Variants in KLHL20 observed in about 807,000 individuals in gnomAD.
KLHL20 encodes the protein kelch like family member 20, also known as kelch-like protein 20.
In KLHL20, 29 loss-of-function variants were observed where a neutral mutation model predicts 69.5. That is an observed-to-expected ratio of 0.42 (90% CI 0.31 to 0.57). The LOEUF is 0.57. Ranked by LOEUF, KLHL20 falls within the 20% of genes least tolerant of loss-of-function variation. The pLI, the probability that KLHL20 is intolerant of heterozygous loss-of-function variation, is 0.18. For missense variants in KLHL20, 419 were observed against 776.0 expected (o/e 0.54, Z 5.47); for synonymous variants, 253 against 265.2 (o/e 0.95, Z 0.45).
chr1:173,718,917 A>C (rs1404182685), intron 2 of KLHL20, among the ~76,000 whole-genome samples: 3 of 151,804 alleles, frequency 2.0e-5, no homozygotes, highest in African/African-American at 7.3e-5. Flanking sequence ...ATCTTGGCTA[A>C]CACGGTGAAA....
intron 2 of KLHL20, among the ~76,000 whole-genome samples, chr1:173,727,357 C>A (rs1302774586): frequency 6.6e-6 from 1 of 152,158 alleles, no homozygotes; most frequent in Non-Finnish European, 1.5e-5. Context: ...CTTCCCCAAT[C>A]GAGCAAGGCA....
Position 173,729,977 on chromosome 1 carries a change from C to T in KLHL20, c.24-3736C>T, listed in dbSNP as rs1334810243. Among the ~76,000 whole-genome samples, 6 of 152,086 alleles carry T rather than the reference C, an allele frequency of 3.9e-5. No individual in the cohort carries two copies. In the East Asian group the frequency reaches 9.6e-4, roughly 24 times the overall value. ...TTGTATGTCTAGAAAACCCCATCAT[C>T]TCAGCCCCAAATCTCCTTAAGCTGA... On this transcript the variant is annotated intron_variant, in intron 2 of 11. Coordinates refer to ENST00000209884, the MANE Select transcript of KLHL20 (RefSeq NM_014458.4).
Position 173,734,157 on chromosome 1 carries a change from C to G in KLHL20, c.468C>G (p.Ala156=), listed in dbSNP as rs758669706. 5.6e-6 allele frequency: 9 copies of G among 1,614,204 alleles called. No homozygotes were observed. The highest frequency in any genetic ancestry group is 1.7e-5 in the Admixed American group (1 of 60,022). Residue 156 remains alanine (A), a synonymous_variant, in exon 3 of 12, where the codon GCC becomes GCG. Transcript: ENST00000209884. ...CLLQLAEIQE[A]CCEFLKRQLD... is the part of the protein sequence containing the mutation. ...TCCAGCTGGCAGAAATACAGGAAGC[C>G]TGCTGTGAATTCTTAAAGAGACAAT... is the stretch of plus-strand genomic sequence containing the variant.
At chr1:173,768,245 T>C (rs968763023) in intron 8 of KLHL20, among the ~76,000 whole-genome samples, 7 of 152,318 alleles carry the variant, frequency 4.6e-5, no homozygotes, top group East Asian at 1.9e-4. Flanking sequence ...TTTATACTGG[T>C]GTACAAATAG....
At chr1:173,722,040 AAAG>A (rs1399650055) in intron 2 of KLHL20, among the ~76,000 whole-genome samples, 1 of 152,182 alleles carries the variant, frequency 6.6e-6, no homozygotes, top group East Asian at 1.9e-4. Context: ...TTTATAAAGA[AAAG>A]AAGTTTATCT....
At chr1:173,759,231 C>T (rs971309765) in intron 7 of KLHL20, among the ~76,000 whole-genome samples, 3 of 152,232 alleles carry the variant, frequency 2.0e-5, no homozygotes, top group East Asian at 3.9e-4. Context: ...CAACAAGACC[C>T]GCCCAAGGAG....
intron 2 of KLHL20, among the ~76,000 whole-genome samples, chr1:173,721,452 T>G (rs981193529): frequency 6.6e-6 from 1 of 152,232 alleles, no homozygotes; most frequent in Non-Finnish European, 1.5e-5. Context: ...AGTTCTTAGT[T>G]GTCTCTGCAT....
intron 3 of KLHL20, among the ~76,000 whole-genome samples, chr1:173,749,430 C>T (rs532071950): frequency 8.4e-4 from 128 of 152,218 alleles, no homozygotes; most frequent in African/African-American, 2.9e-3. Flanking sequence ...CCTCTAAACT[C>T]TTATTTAAGA....
chr1:173,743,542 A>ATTTT (rs879293829), intron 3 of KLHL20, among the ~76,000 whole-genome samples: 20 of 151,764 alleles, frequency 1.3e-4, no homozygotes, highest in Non-Finnish European at 2.4e-4. Flanking sequence ...TGATTTTAAA[A>ATTTT]AAAAAAAAAC....
At chr1:173,751,692 C>A (rs895161880) in intron 3 of KLHL20, 72 bp from the exon 4 acceptor site, 3 of 1,465,880 alleles carry the variant, frequency 2.0e-6, no homozygotes, top group South Asian at 1.2e-5. Context: ...TGTCCCATAA[C>A]CCTGAAGAAA....
chr1:173,754,633 A>G (rs1243047826), intron 5 of KLHL20, among the ~76,000 whole-genome samples: 1 of 152,070 alleles, frequency 6.6e-6, no homozygotes, highest in East Asian at 1.9e-4. Flanking sequence ...AATTCTCCTA[A>G]ATATTTGCAG....
At position 173,729,234 on chromosome 1, in the gene KLHL20, G is replaced by C. The variant is rs1240308188; in HGVS notation, c.24-4479G>C. On this transcript the variant is annotated intron_variant, in intron 2 of 11. Transcript: ENST00000209884. Reference sequence around the variant, plus strand: ...TCTGAAATTGAGGCAATAATTAATAGCTTACCAACCAAAAAAAGTCCAGGA... The same window carrying C: ...TCTGAAATTGAGGCAATAATTAATACCTTACCAACCAAAAAAAGTCCAGGA... 5.3e-5 allele frequency among the ~76,000 whole-genome samples: 8 copies of C among 152,212 alleles called. No individual in the cohort carries two copies. The East Asian group carries it at 1.2e-3, about 22-fold the overall frequency.
rs188986632 is a variant in KLHL20, at chr1:173,774,326, G to A, written c.1317G>A (p.Lys439=). 16 of 1,614,160 alleles carry A rather than the reference G, an allele frequency of 9.9e-6. No individual in the cohort carries two copies. The African/African-American group carries it at 1.9e-4, about 19-fold the overall frequency. Residue 439 remains lysine (K), a synonymous_variant, in exon 9 of 12, where the codon AAG becomes AAA. Coordinates refer to ENST00000209884, the MANE Select transcript of KLHL20 (RefSeq NM_014458.4). ...GCAGGTATGATCCGAAGGAGAACAA[G>A]TGGACTCGGGTAGCTTCTATGAGTA... The part of the protein sequence containing the change: ...IVERYDPKEN[K]WTRVASMSTR...
intron 8 of KLHL20, among the ~76,000 whole-genome samples, chr1:173,771,656 G>A (rs900869151): frequency 1.2e-4 from 19 of 152,044 alleles, no homozygotes; most frequent in African/African-American, 3.6e-4. Context: ...TATTCTCAGC[G>A]ACTCAGAAGG....
intron 3 of KLHL20, among the ~76,000 whole-genome samples, chr1:173,737,949 C>CTTTTTTTTTTTTTTT (rs79506793): frequency 2.2e-5 from 3 of 138,168 alleles, no homozygotes; most frequent in African/African-American, 2.7e-5. Context: ...AGTATTTTAT[C>CTTTTTTTTTTTTTTT]TTTTTTTTTT....
At chr1:173,734,778 CTAT>C (rs1672447541) in intron 3 of KLHL20, among the ~76,000 whole-genome samples, 1 of 152,134 alleles carries the variant, frequency 6.6e-6, no homozygotes, top group Non-Finnish European at 1.5e-5. Flanking sequence ...TGTAAAGCTA[CTAT>C]GTTTCAGCCA....
chr1:173,730,966 A>G lies in KLHL20; in HGVS notation c.24-2747A>G, dbSNP rs6660661. Among the ~76,000 whole-genome samples the G allele has an allele frequency of 4.1e-3, 628 of 152,232 alleles. 9 individuals carry two copies. The highest frequency in any genetic ancestry group is 0.021 in the South Asian group (102 of 4,832). ...GAATGGGAGAAAATTTTTGCAATCT[A>G]CTCATCTGACAAAGGGCTAATATCC... is the stretch of plus-strand genomic sequence containing the variant. On this transcript the variant is annotated intron_variant, in intron 2 of 11. Coordinates refer to ENST00000209884, the MANE Select transcript of KLHL20 (RefSeq NM_014458.4).
intron 8 of KLHL20, among the ~76,000 whole-genome samples, chr1:173,766,647 G>GGA (rs1647733326): frequency 8.1e-6 from 1 of 123,806 alleles, no homozygotes; most frequent in African/African-American, 2.9e-5. Flanking sequence ...TATCAAGGGG[G>GGA]AAAAAAAAAA....
intron 2 of KLHL20, among the ~76,000 whole-genome samples, chr1:173,719,338 C>T (rs987711287): frequency 1.7e-4 from 26 of 150,956 alleles, no homozygotes; most frequent in East Asian, 2.0e-4. Flanking sequence ...TCTGGCTGGG[C>T]GCAGTGGCTC....
Sources: allele counts gnomAD v4.1 joint callset (sites outside exome capture counted in the v4.1 genomes callset), GRCh38; gene constraint gnomAD v4.1.1; transcripts MANE v1.5; gene names NCBI Gene and HGNC (gene_info 2026-07-23, HGNC 2026-07-21).